The following RPTOR variants were observed in gnomAD, a reference collection of about 807,000 sequenced individuals.
RPTOR encodes the protein regulatory-associated protein of mTOR.
RPTOR carries 21 observed loss-of-function variants against 169.9 expected under a neutral mutation model. That is an observed-to-expected ratio of 0.12 (90% CI 0.09 to 0.18). RPTOR has a LOEUF of 0.18. Ranked by LOEUF, RPTOR falls within the 10% of genes least tolerant of loss-of-function variation. The pLI, the probability that RPTOR is intolerant of heterozygous loss-of-function variation, is 1.00. For synonymous variants in RPTOR, 732 were observed against 753.2 expected, an observed-to-expected ratio of 0.97 and a Z score of 0.46; for missense variants, 1,133 against 1,855.9, an observed-to-expected ratio of 0.61 and a Z score of 7.16.
chr17:80,612,582 C>T (rs79155262), intron 1 of RPTOR, among the ~76,000 whole-genome samples: 8,287 of 152,306 alleles, frequency 0.054, 290 homozygotes, highest in Non-Finnish European at 0.082. Flanking sequence ...CTCATTTGTT[C>T]TCTGAAGCCT....
chr17:80,589,737 T>C (rs1051955838), intron 1 of RPTOR, among the ~76,000 whole-genome samples: 3 of 152,184 alleles, frequency 2.0e-5, no homozygotes, highest in Admixed American at 6.5e-5. Context: ...CAGTATACAG[T>C]TTTCGTTTTG....
chr17:80,888,409 T>C (rs2068275212), intron 17 of RPTOR, among the ~76,000 whole-genome samples: 1 of 152,218 alleles, frequency 6.6e-6, no homozygotes, highest in Non-Finnish European at 1.5e-5. Flanking sequence ...AGGACGCTGC[T>C]CGGGCCTGCT....
intron 20 of RPTOR, among the ~76,000 whole-genome samples, chr17:80,906,851 A>G (rs1478701530): frequency 1.3e-5 from 2 of 151,826 alleles, no homozygotes; most frequent in East Asian, 3.9e-4. Flanking sequence ...TGCAACACGC[A>G]TTCCTCATGG....
intron 3 of RPTOR, among the ~76,000 whole-genome samples, chr17:80,667,735 T>C (rs2065791449): frequency 6.6e-6 from 1 of 152,158 alleles, no homozygotes; most frequent in Non-Finnish European, 1.5e-5. Flanking sequence ...GGCTCCTTCA[T>C]TTGCTTGATA....
intron 27 of RPTOR, among the ~76,000 whole-genome samples, chr17:80,948,231 G>A (rs2069126426): frequency 6.6e-6 from 1 of 152,242 alleles, no homozygotes; most frequent in South Asian, 2.1e-4. Flanking sequence ...CGAGTCGGTT[G>A]TGCTGACAAG....
chr17:80,822,180 A>G, intron 7 of RPTOR, 21 bp from the exon 8 acceptor site: 1 of 1,611,002 alleles, frequency 6.2e-7, no homozygotes, highest in Non-Finnish European at 8.5e-7. Context: ...ATCACTCATG[A>G]GAACGCCCCT....
At chr17:80,937,117 G>A (rs944788975) in intron 24 of RPTOR, among the ~76,000 whole-genome samples, 1 of 152,176 alleles carries the variant, frequency 6.6e-6, no homozygotes, top group African/African-American at 2.4e-5. Flanking sequence ...ACATCACAGA[G>A]GCAAATTTGC....
chr17:80,864,413 A>G (rs1023194291), intron 13 of RPTOR, among the ~76,000 whole-genome samples: 1 of 150,224 alleles, frequency 6.7e-6, no homozygotes. Context: ...ACAGATGGAA[A>G]AGGTGAGCGT....
At chr17:80,714,093 C>A (rs1011991309) in intron 4 of RPTOR, among the ~76,000 whole-genome samples, 1 of 152,062 alleles carries the variant, frequency 6.6e-6, no homozygotes, top group Non-Finnish European at 1.5e-5. Context: ...CGCCCACCAC[C>A]ACGCCTGGCT....
chr17:80,929,347 A>G (rs1173461365), intron 24 of RPTOR, among the ~76,000 whole-genome samples: 2 of 152,254 alleles, frequency 1.3e-5, no homozygotes, highest in South Asian at 2.1e-4. Flanking sequence ...AGTGACTTCT[A>G]GAAGGTGGAG....
intron 1 of RPTOR, among the ~76,000 whole-genome samples, chr17:80,607,227 C>T (rs2065235715): frequency 6.6e-6 from 1 of 152,174 alleles, no homozygotes; most frequent in African/African-American, 2.4e-5. Context: ...GCGTGAGCCA[C>T]CGCGCCCAGC....
intron 4 of RPTOR, among the ~76,000 whole-genome samples, chr17:80,722,222 TAA>T (rs1321432873): frequency 1.3e-5 from 2 of 151,096 alleles, no homozygotes; most frequent in Admixed American, 6.6e-5. Flanking sequence ...GAGGAAATGA[TAA>T]GTTTTATTTT....
chr17:80,649,461 T>G (rs938634147), intron 3 of RPTOR, among the ~76,000 whole-genome samples: 1 of 152,124 alleles, frequency 6.6e-6, no homozygotes, highest in African/African-American at 2.4e-5. Context: ...TTCTTCTCTG[T>G]GGGTCCTAAG....
At chr17:80,675,985 A>G (rs968571235) in intron 3 of RPTOR, among the ~76,000 whole-genome samples, 1 of 152,338 alleles carries the variant, frequency 6.6e-6, no homozygotes, top group Non-Finnish European at 1.5e-5. Flanking sequence ...TAAATCACAA[A>G]ATCTGAAAGG....
In RPTOR at chr17:80,861,697, A is replaced by C. The variant is rs2067918253; in HGVS notation, c.1509+3797A>C. On this transcript the variant is annotated intron_variant, in intron 13 of 33. Transcript: ENST00000306801. This position sits in a 1 kb window ranked among gnomAD's most constrained non-coding sequence, Gnocchi z 4.5. ...AGGAAGAGATGCCATCTGCATGCAG[A>C]GGTCTGGGATTACGGCCGCCTGAGC... Among the ~76,000 whole-genome samples, 1 of 152,194 alleles carries C rather than the reference A, an allele frequency of 6.6e-6. No individual in the cohort carries two copies. Among genetic ancestry groups the C allele is most frequent in the African/African-American group, 2.4e-5 (1 of 41,438 alleles).
chr17:80,677,704 G>A (rs1347702681), intron 3 of RPTOR, among the ~76,000 whole-genome samples: 1 of 152,186 alleles, frequency 6.6e-6, no homozygotes, highest in Non-Finnish European at 1.5e-5. Flanking sequence ...TCTTGCTGTT[G>A]ATGTCATTTT....
At chr17:80,639,554 G>A (rs968757952) in intron 2 of RPTOR, among the ~76,000 whole-genome samples, 19 of 152,160 alleles carry the variant, frequency 1.2e-4, no homozygotes, top group Non-Finnish European at 2.8e-4. Flanking sequence ...ACTCTTGGCA[G>A]CTTTCCATCT....
At chr17:80,761,757 T>G (rs949816120) in intron 6 of RPTOR, among the ~76,000 whole-genome samples, 2 of 152,262 alleles carry the variant, frequency 1.3e-5, no homozygotes, top group Admixed American at 6.5e-5. Context: ...GCCCGTTCAG[T>G]GCTCTCGGGT....
chr17:80,817,925 G>A (rs1388086519), intron 7 of RPTOR, among the ~76,000 whole-genome samples: 1 of 152,160 alleles, frequency 6.6e-6, no homozygotes, highest in Non-Finnish European at 1.5e-5. Flanking sequence ...AGCAGGGCCG[G>A]GGTCATCATG....
Sources: gnomAD v4.1 joint callset for allele counts (sites outside exome capture counted in the v4.1 genomes callset) on GRCh38, gnomAD v4.1.1 for gene constraint, Gnocchi (gnomAD v3.1) non-coding constraint, MANE v1.5 for transcripts, NCBI Gene and HGNC (gene_info 2026-07-23, HGNC 2026-07-21) for gene names.